SPON1: variants seen among roughly 807,000 people sequenced by gnomAD.
SPON1 encodes spondin-1.
SPON1 carries 52 observed loss-of-function variants against 111.7 expected under a neutral mutation model. The ratio of observed to expected loss-of-function variants is 0.47; its 90% confidence interval spans 0.37 to 0.59. The LOEUF (loss-of-function observed/expected upper bound fraction) is 0.59. Among genes scored for constraint, SPON1 ranks in the 20% least tolerant of loss-of-function variants. The pLI, the probability that SPON1 is intolerant of heterozygous loss-of-function variation, is 0.00. For synonymous variants in SPON1, 410 were observed against 395.8 expected, an observed-to-expected ratio of 1.04 and a Z score of -0.43; for missense variants, 957 against 1,068.5, an observed-to-expected ratio of 0.90 and a Z score of 1.46.
chr11:14,258,695 T>TAAAC lies in SPON1; in HGVS notation c.1493-583_1493-580dup, dbSNP rs1356376753. Reference sequence around the variant, plus strand: ...TTGGCTCTGCCTAGAGGGAGGCTCTTAAACACCTCTCCCAGTGTTGCACTT... The same window carrying TAAAC: ...TTGGCTCTGCCTAGAGGGAGGCTCTTAAACAAACACCTCTCCCAGTGTTGCACTT... On this transcript the variant is annotated intron_variant, in intron 11 of 15. Transcript: ENST00000576479. 4.6e-5 allele frequency among the ~76,000 whole-genome samples: 7 copies of TAAAC among 152,366 alleles called. No individual in the cohort carries two copies. In the South Asian group the frequency reaches 1.5e-3, roughly 32 times the overall value.
intron 5 of SPON1, among the ~76,000 whole-genome samples, chr11:14,130,586 C>T (rs1440407001): frequency 2.0e-5 from 3 of 151,134 alleles, no homozygotes; most frequent in African/African-American, 7.3e-5. Context: ...TCTGAAAGGA[C>T]TCAACAGAGG....
chr11:14,222,024 G>A (rs1185554118), intron 6 of SPON1, among the ~76,000 whole-genome samples: 2 of 152,152 alleles, frequency 1.3e-5, no homozygotes, highest in Non-Finnish European at 2.9e-5. Context: ...GTGAATACTG[G>A]AGTCATGTTG....
intron 3 of SPON1, among the ~76,000 whole-genome samples, chr11:14,056,821 G>T (rs1848748004): frequency 6.6e-6 from 1 of 152,184 alleles, no homozygotes; most frequent in African/African-American, 2.4e-5. Flanking sequence ...AACCTGGGAA[G>T]CGGAGCTTGC....
chr11:14,091,230 C>G (rs955024567), intron 5 of SPON1, among the ~76,000 whole-genome samples: 1 of 152,234 alleles, frequency 6.6e-6, no homozygotes, highest in Admixed American at 6.5e-5. Context: ...AGACTCTCCA[C>G]GTCCCCACCA....
chr11:13,993,984 C>T (rs1848251900), intron 2 of SPON1, among the ~76,000 whole-genome samples: 1 of 152,154 alleles, frequency 6.6e-6, no homozygotes, highest in South Asian at 2.1e-4. Context: ...CTGAGAAGAG[C>T]AGATCAATAC....
At chr11:14,160,561 A>G (rs543723732) in intron 6 of SPON1, among the ~76,000 whole-genome samples, 1 of 26,576 alleles carries the variant, frequency 3.8e-5, no homozygotes, top group Non-Finnish European at 5.9e-5. Context: ...ATATATATTT[A>G]TATATATATT....
chr11:14,257,285 T>C (rs892768697), intron 10 of SPON1, among the ~76,000 whole-genome samples: 2 of 152,206 alleles, frequency 1.3e-5, no homozygotes, highest in Admixed American at 6.5e-5. Flanking sequence ...ATGGTGCTGG[T>C]ACATGATGAG....
chr11:13,977,634 T>A (rs1474821493), intron 1 of SPON1, among the ~76,000 whole-genome samples: 1 of 152,202 alleles, frequency 6.6e-6, no homozygotes, highest in Non-Finnish European at 1.5e-5. Flanking sequence ...CACTGTGACT[T>A]GCTTCTTCAC....
intron 6 of SPON1, among the ~76,000 whole-genome samples, chr11:14,213,313 G>A (rs1314793572): frequency 1.3e-5 from 2 of 152,054 alleles, no homozygotes; most frequent in African/African-American, 4.8e-5. Flanking sequence ...TCATCAGAGG[G>A]CTTTCATTTG....
chr11:14,001,096 C>A (rs373143729), intron 2 of SPON1, among the ~76,000 whole-genome samples: 1 of 152,156 alleles, frequency 6.6e-6, no homozygotes, highest in East Asian at 1.9e-4. Context: ...GGCAAACCTT[C>A]GCCACCTCCT....
intron 5 of SPON1, among the ~76,000 whole-genome samples, chr11:14,084,617 A>C (rs1300987042): frequency 2.6e-5 from 4 of 152,214 alleles, no homozygotes; most frequent in Non-Finnish European, 5.9e-5. Flanking sequence ...ATAAATATGC[A>C]TGTGTCTTTA....
At chr11:14,054,951 T>C (rs1440855999) in intron 3 of SPON1, among the ~76,000 whole-genome samples, 1 of 152,204 alleles carries the variant, frequency 6.6e-6, no homozygotes, top group Non-Finnish European at 1.5e-5. Context: ...AGTCAGTATG[T>C]ACTTGATCGG....
chr11:14,108,146 T>C (rs1554925102), intron 5 of SPON1, among the ~76,000 whole-genome samples: 1 of 152,202 alleles, frequency 6.6e-6, no homozygotes, highest in African/African-American at 2.4e-5. Flanking sequence ...CACTGTATTG[T>C]TGTAGAGTTG....
intron 5 of SPON1, among the ~76,000 whole-genome samples, chr11:14,081,494 T>C (rs1456812685): frequency 6.6e-6 from 1 of 152,084 alleles, no homozygotes; most frequent in Non-Finnish European, 1.5e-5. Flanking sequence ...TTTGCCCACA[T>C]TGAGATGTAA....
rs117523040 is a variant in SPON1 at position 13,974,504 on chromosome 11, G to A, written c.239-8343G>A. ...AGTTTATTAGAGTTTTTGTTAGAAGGTTGACACACCAACATTTGAAAGACC... is the reference window on the plus strand; with the variant it reads ...AGTTTATTAGAGTTTTTGTTAGAAGATTGACACACCAACATTTGAAAGACC... On this transcript the variant is annotated intron_variant, in intron 1 of 15. Coordinates refer to ENST00000576479, the MANE Select transcript of SPON1 (RefSeq NM_006108.4). Among the ~76,000 whole-genome samples the A allele has an allele frequency of 8.3e-3, 1,267 of 152,276 alleles. 4 individuals are homozygous for A. Among genetic ancestry groups the A allele is most frequent in the Non-Finnish European group, 0.015 (1,005 of 68,028 alleles).
intron 7 of SPON1, among the ~76,000 whole-genome samples, chr11:14,247,252 T>A (rs1358039845): frequency 2.0e-5 from 3 of 151,998 alleles, no homozygotes; most frequent in Admixed American, 6.5e-5. Context: ...CTACAAAAAA[T>A]TTTAAAAACT....
At chr11:14,155,110 G>C (rs1041751249) in intron 6 of SPON1, among the ~76,000 whole-genome samples, 1 of 152,142 alleles carries the variant, frequency 6.6e-6, no homozygotes, top group East Asian at 1.9e-4. Context: ...ACAACAATTT[G>C]ACAAGTCTCT....
intron 6 of SPON1, among the ~76,000 whole-genome samples, chr11:14,142,288 C>T (rs1847665619): frequency 6.6e-6 from 1 of 152,144 alleles, no homozygotes; most frequent in South Asian, 2.1e-4. Context: ...AGACCCCCTG[C>T]AGGACTAGAA....
chr11:13,984,693 A>G (rs1477000850), intron 2 of SPON1, among the ~76,000 whole-genome samples: 1 of 152,218 alleles, frequency 6.6e-6, no homozygotes. Context: ...CATTCAAACC[A>G]TAGCAGCACT....
Sources: gnomAD v4.1 joint callset for allele counts (sites outside exome capture counted in the v4.1 genomes callset) on GRCh38, gnomAD v4.1.1 for gene constraint, MANE v1.5 for transcripts, NCBI Gene and HGNC (gene_info 2026-07-23, HGNC 2026-07-21) for gene names.